The following DPF3 variants were observed in gnomAD, a reference collection of about 807,000 sequenced individuals.
The protein encoded by DPF3 is zinc finger protein DPF3.
Under a neutral mutation model 56.8 loss-of-function variants are expected in DPF3, and 18 were observed. The observed-to-expected ratio is 0.32, with a 90% confidence interval of 0.22 to 0.47. DPF3 has a LOEUF of 0.47. Ranked by LOEUF, DPF3 falls within the 20% of genes least tolerant of loss-of-function variation. The probability of loss-of-function intolerance (pLI) is 1.00; values close to 1 mark genes in which losing one functional copy is unlikely to be tolerated. For missense variants in DPF3, 403 were observed against 488.8 expected (o/e 0.82, Z 1.65); for synonymous variants, 188 against 180.2 (o/e 1.04, Z -0.35).
At position 72,796,475 on chromosome 14, in the gene DPF3, C is replaced by T. The variant is rs1048996205; in HGVS notation, c.33-24582G>A. On this transcript the variant is annotated intron_variant, in intron 1 of 10. Transcript: ENST00000556509. ...CCAAGATCATGCCACTGCACTCCAG[C>T]CTGGGTTACAGAGTGAGATTTATTT... Among the ~76,000 whole-genome samples, 22 of 152,108 alleles carry T rather than the reference C, an allele frequency of 1.4e-4. No individual in the cohort carries two copies. The South Asian group carries it at 3.1e-3, about 22-fold the overall frequency.
intron 1 of DPF3, chr14:72,892,549 C>G (rs961025329): frequency 6.5e-6 from 9 of 1,382,230 alleles, no homozygotes; most frequent in Non-Finnish European, 8.4e-6. Flanking sequence ...CAAACACGTC[C>G]GATTCTCCCT....
At chr14:72,847,827 T>G (rs1335811507) in intron 1 of DPF3, among the ~76,000 whole-genome samples, 2 of 152,190 alleles carry the variant, frequency 1.3e-5, no homozygotes, top group African/African-American at 2.4e-5. Context: ...CCTTTCTTTA[T>G]TTTTATGATA....
chr14:72,700,717 C>G (rs1599368147), intron 6 of DPF3, among the ~76,000 whole-genome samples: 1 of 152,242 alleles, frequency 6.6e-6, no homozygotes, highest in African/African-American at 2.4e-5. Context: ...AGTCCCAGCT[C>G]TGCTGTTGAC....
Position 72,616,444 on chromosome 14 carries a change from AT to A in DPF3, c.*2852del, listed in dbSNP as rs544628659. 3.9e-4 allele frequency among the ~76,000 whole-genome samples: 59 copies of A among 152,266 alleles called. 2 individuals carry two copies. In the South Asian group the frequency reaches 9.6e-3, roughly 25 times the overall value. On this transcript the variant is annotated 3_prime_UTR_variant, in exon 11 of 11. Coordinates refer to ENST00000556509, the MANE Select transcript of DPF3 (RefSeq NM_001280542.3). ...CCTTGGTCGCAGCCCAGCCCTGGCA[AT>A]ATAAACTCCCTTTGGTCACAAGGGA...
chr14:72,665,840 G>T (rs1886421188), intron 8 of DPF3, among the ~76,000 whole-genome samples: 1 of 152,236 alleles, frequency 6.6e-6, no homozygotes, highest in Non-Finnish European at 1.5e-5. Flanking sequence ...GAATCTGGGT[G>T]AAGGACATAT....
intron 8 of DPF3, chr14:72,671,262 G>A (rs779320552): frequency 6.2e-7 from 1 of 1,613,966 alleles, no homozygotes; most frequent in Non-Finnish European, 8.5e-7. Flanking sequence ...TTTCTGACGT[G>A]GAACCGAATA....
At chr14:72,650,740 G>A (rs115451765) in intron 8 of DPF3, among the ~76,000 whole-genome samples, 4,501 of 152,200 alleles carry the variant, frequency 0.03, 243 homozygotes, top group African/African-American at 0.1. Context: ...TGGAGCTAGG[G>A]GGTCAGAAGG....
chr14:72,836,303 C>T, intron 1 of DPF3: 2 of 985,676 alleles, frequency 2.0e-6, no homozygotes, highest in Non-Finnish European at 1.2e-6. Context: ...GCCAAACTCC[C>T]AGGGCAACCC....
intron 1 of DPF3, among the ~76,000 whole-genome samples, chr14:72,861,217 T>C (rs1885393694): frequency 6.6e-6 from 1 of 152,214 alleles, no homozygotes; most frequent in African/African-American, 2.4e-5. Flanking sequence ...TATATATTTT[T>C]ATTTCTCAAT....
intron 8 of DPF3, among the ~76,000 whole-genome samples, chr14:72,637,392 T>G (rs572828233): frequency 1.2e-4 from 18 of 152,338 alleles, no homozygotes; most frequent in African/African-American, 2.9e-4. Context: ...TTGAGAGTCA[T>G]AGTAATGACC....
intron 9 of DPF3, among the ~76,000 whole-genome samples, chr14:72,621,382 A>G (rs1438978593): frequency 6.6e-6 from 1 of 151,938 alleles, no homozygotes; most frequent in African/African-American, 2.4e-5. Flanking sequence ...GATTGTTGAA[A>G]CTGTTTGGAT....
intron 1 of DPF3, chr14:72,892,385 T>G (rs1313766002): frequency 1.3e-6 from 2 of 1,518,164 alleles, no homozygotes; most frequent in African/African-American, 1.4e-5. Context: ...AAGCGCAGTG[T>G]ATCCGAGCTT....
At chr14:72,627,565 T>C (rs1417736809) in intron 9 of DPF3, among the ~76,000 whole-genome samples, 1 of 152,140 alleles carries the variant, frequency 6.6e-6, no homozygotes, top group Non-Finnish European at 1.5e-5. Context: ...CTTTACAGTA[T>C]GTTTTAATAT....
chr14:72,715,295 A>C (rs1390401512), intron 5 of DPF3, among the ~76,000 whole-genome samples: 1 of 152,210 alleles, frequency 6.6e-6, no homozygotes, highest in Non-Finnish European at 1.5e-5. Context: ...GAGCCCAGTC[A>C]GAGAGGTTGC....
chr14:72,670,114 T>C (rs978743996), intron 8 of DPF3: 1 of 985,566 alleles, frequency 1.0e-6, no homozygotes, highest in African/African-American at 1.7e-5. Flanking sequence ...TAAAAAAAAA[T>C]AGAAGAAATA....
At position 72,844,310 on chromosome 14, in the gene DPF3, A is replaced by C. The variant is rs1340671419; in HGVS notation, c.32+49747T>G. 2.6e-5 allele frequency among the ~76,000 whole-genome samples: 4 copies of C among 152,190 alleles called. No homozygotes were observed. In the East Asian group the frequency reaches 7.7e-4, roughly 29 times the overall value. On this transcript the variant is annotated intron_variant, in intron 1 of 10. Coordinates refer to ENST00000556509, the MANE Select transcript of DPF3 (RefSeq NM_001280542.3). The stretch of plus-strand genomic sequence containing the variant: ...TGGTATTATTCTATTCAATAGAGTC[A>C]ATTTTAAGACTAAGCATTCCTTGAC...
At chr14:72,628,575 C>T (rs547770137) in intron 9 of DPF3, among the ~76,000 whole-genome samples, 5 of 152,050 alleles carry the variant, frequency 3.3e-5, no homozygotes, top group African/African-American at 1.2e-4. Context: ...AAAAGAGAAA[C>T]ATCAGGCATT....
chr14:72,648,664 C>G (rs961448367), intron 8 of DPF3, among the ~76,000 whole-genome samples: 1 of 152,098 alleles, frequency 6.6e-6, no homozygotes. Flanking sequence ...TGTCTCCCTC[C>G]TATTACCGGG....
At chr14:72,797,513 G>A (rs1041927117) in intron 1 of DPF3, among the ~76,000 whole-genome samples, 1 of 152,128 alleles carries the variant, frequency 6.6e-6, no homozygotes, top group African/African-American at 2.4e-5. Flanking sequence ...CATGAATAAA[G>A]TATTGAACTG....
Sources: gnomAD v4.1 joint callset for allele counts (sites outside exome capture counted in the v4.1 genomes callset) on GRCh38, gnomAD v4.1.1 for gene constraint, MANE v1.5 for transcripts, NCBI Gene and HGNC (gene_info 2026-07-23, HGNC 2026-07-21) for gene names.